Variants in KCNQ3 observed in about 807,000 individuals in gnomAD.
KCNQ3 encodes potassium voltage-gated channel subfamily KQT member 3.
A neutral mutation model predicts 92.5 loss-of-function variants in KCNQ3; 30 were observed. That is an observed-to-expected ratio of 0.32 (90% CI 0.24 to 0.44). KCNQ3 has a LOEUF of 0.44. KCNQ3 is among the 20% of genes least tolerant of loss of function. The pLI, the probability that KCNQ3 is intolerant of heterozygous loss-of-function variation, is 1.00. For synonymous variants in KCNQ3, 450 were observed against 468.8 expected, an observed-to-expected ratio of 0.96 and a Z score of 0.52; for missense variants, 913 against 1,140.3, an observed-to-expected ratio of 0.80 and a Z score of 2.87.
intron 1 of KCNQ3, among the ~76,000 whole-genome samples, chr8:132,387,832 C>T (rs1192406563): frequency 6.6e-6 from 1 of 151,928 alleles, no homozygotes; most frequent in African/African-American, 2.4e-5. Context: ...GAGATCCCAT[C>T]TCTACAAAAA....
At chr8:132,233,248 T>A (rs1814698173) in intron 1 of KCNQ3, among the ~76,000 whole-genome samples, 1 of 152,172 alleles carries the variant, frequency 6.6e-6, no homozygotes, top group African/African-American at 2.4e-5. Context: ...CAAAATTAAT[T>A]CCAGCCAAAC....
intron 1 of KCNQ3, among the ~76,000 whole-genome samples, chr8:132,216,640 A>T (rs938004733): frequency 1.3e-5 from 2 of 152,326 alleles, no homozygotes; most frequent in African/African-American, 4.8e-5. Context: ...TACACAAATC[A>T]TTCTTAACAC....
At chr8:132,313,557 T>G (rs1436887715) in intron 1 of KCNQ3, among the ~76,000 whole-genome samples, 1 of 152,194 alleles carries the variant, frequency 6.6e-6, no homozygotes, top group African/African-American at 2.4e-5. Flanking sequence ...AATAAGACAT[T>G]TGATCAAAGT....
intron 1 of KCNQ3, among the ~76,000 whole-genome samples, chr8:132,391,238 C>T (rs1198100658): frequency 6.6e-6 from 1 of 152,084 alleles, no homozygotes; most frequent in Non-Finnish European, 1.5e-5. Context: ...TCAGAAACTA[C>T]CCATGAAGAT....
chr8:132,381,515 G>A (rs890478498), intron 1 of KCNQ3, among the ~76,000 whole-genome samples: 1 of 152,144 alleles, frequency 6.6e-6, no homozygotes, highest in Non-Finnish European at 1.5e-5. Context: ...TTCTAGAACT[G>A]TTATGCTGGA....
intron 1 of KCNQ3, among the ~76,000 whole-genome samples, chr8:132,341,369 G>A (rs775443371): frequency 1.8e-4 from 27 of 152,260 alleles, no homozygotes; most frequent in Middle Eastern, 3.4e-3. Flanking sequence ...TCCGTCTCAA[G>A]AGGTTCCAGT....
intron 11 of KCNQ3, 78 bp from the exon 12 acceptor site, chr8:132,138,094 AG>A (rs1825165882): frequency 2.0e-6 from 3 of 1,521,190 alleles, no homozygotes; most frequent in Non-Finnish European, 2.7e-6. Flanking sequence ...AGCAAACTCC[AG>A]GGCAGGGGGA....
intron 1 of KCNQ3, among the ~76,000 whole-genome samples, chr8:132,230,290 A>C (rs1351736803): frequency 1.3e-5 from 2 of 152,122 alleles, no homozygotes; most frequent in African/African-American, 4.8e-5. Context: ...GGCCAAGATG[A>C]AAAAGGCTCC....
intron 1 of KCNQ3, among the ~76,000 whole-genome samples, chr8:132,250,421 A>G (rs1380012812): frequency 6.6e-6 from 1 of 152,226 alleles, no homozygotes; most frequent in Non-Finnish European, 1.5e-5. Flanking sequence ...TATAAATGGG[A>G]CATGTATTTA....
At chr8:132,287,111 AC>A (rs1816699451) in intron 1 of KCNQ3, among the ~76,000 whole-genome samples, 1 of 152,242 alleles carries the variant, frequency 6.6e-6, no homozygotes, top group Admixed American at 6.5e-5. Context: ...ATTAAAAAAT[AC>A]TTTAGATACA....
At chr8:132,236,558 C>T (rs1279548736) in intron 1 of KCNQ3, among the ~76,000 whole-genome samples, 3 of 152,116 alleles carry the variant, frequency 2.0e-5, no homozygotes, top group African/African-American at 4.8e-5. Flanking sequence ...GTCTCATGCT[C>T]GGAAGTTCAC....
chr8:132,165,915 T>C lies in KCNQ3; in HGVS notation c.1236-2421A>G, dbSNP rs137943113. On this transcript the variant is annotated intron_variant, in intron 8 of 14. Transcript: ENST00000388996. ...ATCCTAAAGCTTAAATAAGATAGTATGTATGAAAGCAGATCCAATGTTATT... is the reference window on the plus strand; with the variant it reads ...ATCCTAAAGCTTAAATAAGATAGTACGTATGAAAGCAGATCCAATGTTATT... Among the ~76,000 whole-genome samples, 77 of 152,356 alleles carry C rather than the reference T, an allele frequency of 5.1e-4. No individual in the cohort carries two copies. The East Asian group carries it at 0.013, about 26-fold the overall frequency.
intron 1 of KCNQ3, among the ~76,000 whole-genome samples, chr8:132,468,467 A>G (rs1484782669): frequency 6.6e-6 from 1 of 152,250 alleles, no homozygotes; most frequent in African/African-American, 2.4e-5. Context: ...GTCAAAGACA[A>G]AGAAGTTCTA....
chr8:132,309,341 T>C (rs533408463), intron 1 of KCNQ3, among the ~76,000 whole-genome samples: 2 of 152,342 alleles, frequency 1.3e-5, no homozygotes, highest in South Asian at 2.1e-4. Flanking sequence ...TGCTCATTAA[T>C]TCATTATTCC....
intron 9 of KCNQ3, among the ~76,000 whole-genome samples, chr8:132,144,322 C>G (rs1825388471): frequency 2.0e-5 from 3 of 152,228 alleles, no homozygotes; most frequent in African/African-American, 7.2e-5. Flanking sequence ...CAGCTTACTT[C>G]TTAATTGTGT....
At chr8:132,240,395 AG>A (rs1364498700) in intron 1 of KCNQ3, among the ~76,000 whole-genome samples, 2 of 152,146 alleles carry the variant, frequency 1.3e-5, no homozygotes, top group African/African-American at 4.8e-5. Flanking sequence ...CATGTTGGTC[AG>A]GGTGGTCTGG....
intron 1 of KCNQ3, among the ~76,000 whole-genome samples, chr8:132,216,350 C>T (rs1179742846): frequency 6.6e-6 from 1 of 152,170 alleles, no homozygotes; most frequent in Admixed American, 6.5e-5. Context: ...TGCTGTGCAC[C>T]AGGGCTGGAT....
intron 1 of KCNQ3, among the ~76,000 whole-genome samples, chr8:132,433,200 C>T (rs1481025397): frequency 6.6e-6 from 1 of 152,124 alleles, no homozygotes; most frequent in Non-Finnish European, 1.5e-5. Context: ...CCCCACTCAT[C>T]TGGATCATTA....
intron 1 of KCNQ3, among the ~76,000 whole-genome samples, chr8:132,432,959 A>G (rs1429179223): frequency 1.3e-5 from 2 of 152,342 alleles, no homozygotes; most frequent in East Asian, 3.9e-4. Context: ...CGGCAACTAC[A>G]TAACGCCAAA....
Sources: gnomAD v4.1 joint callset for allele counts (sites outside exome capture counted in the v4.1 genomes callset) on GRCh38, gnomAD v4.1.1 for gene constraint, MANE v1.5 for transcripts, NCBI Gene and HGNC (gene_info 2026-07-23, HGNC 2026-07-21) for gene names.